ELMO1: variants seen among roughly 807,000 people sequenced by gnomAD.
ELMO1 encodes the protein engulfment and cell motility protein 1.
ELMO1 carries 26 observed loss-of-function variants against 98.9 expected under a neutral mutation model. That is an observed-to-expected ratio of 0.26 (90% confidence interval 0.19 to 0.36). The LOEUF is 0.36. Ranked by LOEUF, ELMO1 falls within the 10% of genes least tolerant of loss-of-function variation. The pLI is 1.00. For missense variants in ELMO1, 627 were observed against 935.2 expected (o/e 0.67, Z 4.30); for synonymous variants, 346 against 346.0 (o/e 1.00, Z 0.00).
At chr7:36,926,126 T>G (rs1247174882) in intron 16 of ELMO1, among the ~76,000 whole-genome samples, 3 of 152,114 alleles carry the variant, frequency 2.0e-5, no homozygotes, top group Admixed American at 2.0e-4. Context: ...CTCCTTTTCC[T>G]GAACGTGTTA....
At chr7:37,350,006 A>C (rs1325497631) in intron 1 of ELMO1, among the ~76,000 whole-genome samples, 1 of 152,100 alleles carries the variant, frequency 6.6e-6, no homozygotes, top group Non-Finnish European at 1.5e-5. Flanking sequence ...TTTGTTTCCC[A>C]TGGGAGCAGC....
At chr7:36,991,158 G>A (rs978721133) in intron 16 of ELMO1, among the ~76,000 whole-genome samples, 2 of 152,158 alleles carry the variant, frequency 1.3e-5, no homozygotes, top group Non-Finnish European at 2.9e-5. Flanking sequence ...GGTCATCAGG[G>A]TACTTAGCCT....
chr7:37,123,928 A>C (rs938368463), intron 14 of ELMO1, among the ~76,000 whole-genome samples: 1 of 152,146 alleles, frequency 6.6e-6, no homozygotes, highest in South Asian at 2.1e-4. Flanking sequence ...ACATCAAAAA[A>C]CTTAGCCACC....
intron 15 of ELMO1, among the ~76,000 whole-genome samples, chr7:37,091,853 TCCC>T (rs1194002525): frequency 6.6e-6 from 1 of 152,032 alleles, no homozygotes; most frequent in Non-Finnish European, 1.5e-5. Context: ...AAAAGGGGTT[TCCC>T]CTTATAAAAC....
At chr7:37,356,335 G>T (rs1275423793) in intron 1 of ELMO1, among the ~76,000 whole-genome samples, 1 of 152,132 alleles carries the variant, frequency 6.6e-6, no homozygotes, top group East Asian at 1.9e-4. Context: ...GGATCGCTGG[G>T]TCAAATGATA....
intron 16 of ELMO1, among the ~76,000 whole-genome samples, chr7:36,915,373 T>C (rs1784617156): frequency 6.6e-6 from 1 of 152,238 alleles, no homozygotes. Flanking sequence ...CAGCCACATT[T>C]TTCAATATGT....
intron 4 of ELMO1, among the ~76,000 whole-genome samples, chr7:37,272,537 T>C (rs1366070909): frequency 6.6e-6 from 1 of 152,056 alleles, no homozygotes; most frequent in African/African-American, 2.4e-5. Context: ...TAGCCAGGCA[T>C]AGTGGCAGGC....
At chr7:37,138,146 G>C (rs1043752810) in intron 13 of ELMO1, among the ~76,000 whole-genome samples, 3 of 151,900 alleles carry the variant, frequency 2.0e-5, no homozygotes, top group Non-Finnish European at 2.9e-5. Context: ...CACAAACATG[G>C]ACCTGGAGAA....
chr7:37,284,108 C>A (rs1797276743), intron 4 of ELMO1, among the ~76,000 whole-genome samples: 1 of 152,060 alleles, frequency 6.6e-6, no homozygotes, highest in South Asian at 2.1e-4. Context: ...GATGGAGCAA[C>A]AATGGTCTGG....
At chr7:37,142,870 T>C (rs1348882432) in intron 13 of ELMO1, among the ~76,000 whole-genome samples, 2 of 152,142 alleles carry the variant, frequency 1.3e-5, no homozygotes, top group Non-Finnish European at 2.9e-5. Context: ...CCCAAAGCTA[T>C]ATGTTAGTGA....
intron 16 of ELMO1, among the ~76,000 whole-genome samples, chr7:36,970,857 A>G (rs1385927924): frequency 6.6e-6 from 1 of 152,216 alleles, no homozygotes; most frequent in East Asian, 1.9e-4. Flanking sequence ...AAAACATGGC[A>G]TTCAGAAGAA....
intron 2 of ELMO1, among the ~76,000 whole-genome samples, chr7:37,317,328 G>A (rs1300630449): frequency 6.6e-6 from 1 of 152,194 alleles, no homozygotes; most frequent in African/African-American, 2.4e-5. Context: ...ACTACCACGT[G>A]TGCAGAAGAA....
chr7:37,412,292 G>A (rs1051256813), intron 1 of ELMO1, among the ~76,000 whole-genome samples: 46 of 152,316 alleles, frequency 3.0e-4, no homozygotes, highest in African/African-American at 7.9e-4. Context: ...GAGCCAGGGC[G>A]TTTGTGGGGT....
At chr7:37,009,734 G>T (rs926147185) in intron 16 of ELMO1, among the ~76,000 whole-genome samples, 7 of 152,202 alleles carry the variant, frequency 4.6e-5, no homozygotes, top group African/African-American at 1.2e-4. Context: ...GTTTACAGTG[G>T]CAAGAACCTG....
chr7:37,100,146 T>C (rs1236431032), intron 14 of ELMO1, among the ~76,000 whole-genome samples: 3 of 152,204 alleles, frequency 2.0e-5, no homozygotes, highest in Non-Finnish European at 4.4e-5. Context: ...CATATTACCA[T>C]GAAAATCAGT....
intron 13 of ELMO1, among the ~76,000 whole-genome samples, chr7:37,178,401 G>A (rs778820609): frequency 6.0e-5 from 9 of 149,380 alleles, no homozygotes; most frequent in Non-Finnish European, 8.9e-5. Flanking sequence ...CACAACACAC[G>A]GGAGTCATGG....
chr7:37,351,988 C>A (rs1055313150), intron 1 of ELMO1, among the ~76,000 whole-genome samples: 1 of 152,156 alleles, frequency 6.6e-6, no homozygotes, highest in Non-Finnish European at 1.5e-5. Context: ...CACACAGCAC[C>A]GCTTCTCTGA....
At chr7:37,326,376 G>C (rs917277628) in intron 2 of ELMO1, among the ~76,000 whole-genome samples, 1 of 152,018 alleles carries the variant, frequency 6.6e-6, no homozygotes, top group Non-Finnish European at 1.5e-5. Flanking sequence ...CCCACACGGT[G>C]AAACTCCGTC....
intron 16 of ELMO1, among the ~76,000 whole-genome samples, chr7:36,921,088 T>C (rs1785114357): frequency 6.6e-6 from 1 of 152,090 alleles, no homozygotes; most frequent in Non-Finnish European, 1.5e-5. Flanking sequence ...AGGCATCATC[T>C]ATGGAGCAGG....
Sources: gnomAD v4.1 joint callset for allele counts (sites outside exome capture counted in the v4.1 genomes callset) on GRCh38, gnomAD v4.1.1 for gene constraint, MANE v1.5 for transcripts, NCBI Gene and HGNC (gene_info 2026-07-23, HGNC 2026-07-21) for gene names.